Variants in MPRIP observed in about 807,000 individuals in gnomAD.
The protein encoded by MPRIP is myosin phosphatase Rho-interacting protein.
MPRIP carries 59 observed loss-of-function variants against 234.9 expected under a neutral mutation model. The ratio of observed to expected loss-of-function variants is 0.25; its 90% CI spans 0.20 to 0.31. The LOEUF (loss-of-function observed/expected upper bound fraction) is 0.31. MPRIP is among the 10% of genes least tolerant of loss of function. The pLI is 1.00. For missense variants in MPRIP, 2,436 were observed against 3,071.0 expected (o/e 0.79, Z 4.89); for synonymous variants, 1,144 against 1,263.9 (o/e 0.91, Z 2.01).
intron 1 of MPRIP, among the ~76,000 whole-genome samples, chr17:17,054,448 G>C (rs755973827): frequency 1.3e-5 from 2 of 152,092 alleles, no homozygotes; most frequent in Non-Finnish European, 2.9e-5. Flanking sequence ...CAATGTCACC[G>C]GTAGCTGGAG....
chr17:17,177,502 G>A lies in MPRIP; in HGVS notation c.7120+90G>A, dbSNP rs1567780061. On this transcript the variant is annotated intron_variant, in intron 22 of 23. Coordinates refer to ENST00000651222, the MANE Select transcript of MPRIP (RefSeq NM_001364716.4). ...GTTTCCCGGTGCTTGACTTGAAGCA[G>A]AAGAGTCCCAGTGATGCTTGTAGAC... is the stretch of plus-strand genomic sequence containing the variant. The A allele has an allele frequency of 3.6e-6, 5 of 1,405,384 alleles. No individual in the cohort carries two copies. The East Asian group carries it at 9.5e-5, about 27-fold the overall frequency. The allele number at this position is 1,405,384 out of a possible 1,614,324, so 87.1% of individuals were successfully genotyped here.
intron 1 of MPRIP, among the ~76,000 whole-genome samples, chr17:17,062,136 A>T (rs958452494): frequency 6.6e-6 from 1 of 152,140 alleles, no homozygotes; most frequent in Non-Finnish European, 1.5e-5. Flanking sequence ...GCCAGTGTAC[A>T]TTAAATACCT....
At chr17:17,087,270 G>A (rs774901236) in intron 3 of MPRIP, among the ~76,000 whole-genome samples, 4 of 152,216 alleles carry the variant, frequency 2.6e-5, no homozygotes, top group Non-Finnish European at 4.4e-5. Flanking sequence ...ATGTGGACAA[G>A]CAGCCGGGTC....
At chr17:17,176,701 A>G (rs1377397556) in intron 21 of MPRIP, among the ~76,000 whole-genome samples, 189 bp downstream of exon 21, 2 of 152,206 alleles carry the variant, frequency 1.3e-5, no homozygotes, top group Non-Finnish European at 2.9e-5. Flanking sequence ...GAACGTGGAC[A>G]TGAGCAACCT....
rs1258524422 is a variant in MPRIP, at chr17:17,164,972, T to C, written c.3381T>C (p.Asp1127=). ...AGCGCGTGGCCACGTCCGACGAGGATGTGGCTGAGCTCCGGGAAAAGCTGA... is the reference window on the plus strand; with the variant it reads ...AGCGCGTGGCCACGTCCGACGAGGACGTGGCTGAGCTCCGGGAAAAGCTGA... ...LTERVATSDE[D]VAELREKLRR... Residue 1127 remains aspartate (D), a synonymous_variant, in exon 16 of 24, where the codon GAT becomes GAC. Coordinates refer to ENST00000651222, the MANE Select transcript of MPRIP (RefSeq NM_001364716.4). 1 of 1,303,016 alleles carries C rather than the reference T, an allele frequency of 7.7e-7. No homozygotes were observed. The highest frequency in any genetic ancestry group is 1.0e-6 in the Non-Finnish European group (1 of 988,832). The allele number at this position is 1,303,016 out of a possible 1,614,324, so 80.7% of individuals were successfully genotyped here.
At chr17:17,052,375 C>A (rs963225311) in intron 1 of MPRIP, among the ~76,000 whole-genome samples, 1 of 152,190 alleles carries the variant, frequency 6.6e-6, no homozygotes, top group Admixed American at 6.5e-5. Context: ...ACTTCTAGTT[C>A]CTAGCCCTGG....
intron 5 of MPRIP, among the ~76,000 whole-genome samples, chr17:17,135,038 A>G (rs1173329668): frequency 6.6e-6 from 1 of 152,244 alleles, no homozygotes; most frequent in East Asian, 1.9e-4. Context: ...CTTGTATATC[A>G]TGCTCTTGTC....
At position 17,090,267 on chromosome 17, in the gene MPRIP, C is replaced by T. The variant is rs577884424; in HGVS notation, c.267+12191C>T. Reference sequence around the variant, plus strand: ...GTCCCAGCTGTGACCTACCTCCAACCAGCCGCACTAAGGCAGGCTTGTCCC... The same window carrying T: ...GTCCCAGCTGTGACCTACCTCCAACTAGCCGCACTAAGGCAGGCTTGTCCC... On this transcript the variant is annotated intron_variant, in intron 3 of 23. Coordinates refer to ENST00000651222, the MANE Select transcript of MPRIP (RefSeq NM_001364716.4). Among the ~76,000 whole-genome samples the T allele has an allele frequency of 6.6e-5, 10 of 152,326 alleles. No homozygotes were observed. In the East Asian group the frequency reaches 1.9e-3, roughly 29 times the overall value.
At position 17,191,388 on chromosome 17, in the gene MPRIP, CTGTTTGGA is replaced by C. The variant is rs2046583525; in HGVS notation, c.*6496_*6503del. On this transcript the variant is annotated 3_prime_UTR_variant, in exon 24 of 24. Transcript: ENST00000651222. Reference sequence around the variant, plus strand: ...GGCAGGGCTCTGTGGAGCACTGGAGCTGTTTGGATTCCCCAGCCCTTTGGTCATATCCT... The same window carrying C: ...GGCAGGGCTCTGTGGAGCACTGGAGCTTCCCCAGCCCTTTGGTCATATCCT... The C allele has an allele frequency of 6.6e-6, 1 of 152,238 alleles. No individual in the cohort carries two copies. The highest frequency in any genetic ancestry group is 1.9e-4 in the East Asian group (1 of 5,206). 9.4% of individuals were successfully genotyped at this position (152,238 alleles called of 1,614,324 possible). A position where few individuals can be genotyped will look rare whatever the true frequency, so the allele number is the denominator to read the frequency against.
chr17:17,177,925 A>AT lies in MPRIP; in HGVS notation c.7120+532dup, dbSNP rs35154903. Among the ~76,000 whole-genome samples the AT allele has an allele frequency of 5.3e-3, 674 of 127,252 alleles. 2 individuals carry two copies. Among genetic ancestry groups the AT allele is most frequent in the Middle Eastern group, 0.02 (5 of 248 alleles). The allele number at this position is 127,252 out of a possible 152,430, so 83.5% of individuals were successfully genotyped here. On this transcript the variant is annotated intron_variant, in intron 22 of 23. Transcript: ENST00000651222. ...ATCAAGCATTTTCAGCTCATACGTA[A>AT]TTTTTTTTTTTTTTTTTTTGAAACT... is the stretch of plus-strand genomic sequence containing the variant.
intron 3 of MPRIP, among the ~76,000 whole-genome samples, chr17:17,103,521 G>A (rs982490594): frequency 4.6e-5 from 7 of 152,194 alleles, no homozygotes; most frequent in African/African-American, 1.7e-4. Context: ...AAGAGCTGAA[G>A]TTCATGCCCT....
intron 23 of MPRIP, chr17:17,180,465 C>T: frequency 1.2e-6 from 1 of 805,352 alleles, no homozygotes. Flanking sequence ...GCTGCCTGCT[C>T]TTGTTCCCCA....
rs757751215 is a variant in MPRIP, at chr17:17,143,609, CCT to C, written c.1444_1445del (p.Leu482ValfsTer32). ...APLPDASASP[L>X]SPHRRAKSLD... Reference sequence around the variant, plus strand: ...CTCTCCCAGACGCCTCGGCTTCCCCCCTGTCTCCACACCGAAGAGCCAAGTCA... The same window carrying C: ...CTCTCCCAGACGCCTCGGCTTCCCCCGTCTCCACACCGAAGAGCCAAGTCA... On this transcript the variant is annotated frameshift_variant, in exon 9 of 24. Coordinates refer to ENST00000651222, the MANE Select transcript of MPRIP (RefSeq NM_001364716.4). LOFTEE classifies it high-confidence loss of function. 14 of 1,606,524 alleles carry C rather than the reference CCT, an allele frequency of 8.7e-6. No homozygotes were observed. Among genetic ancestry groups the C allele is most frequent in the African/African-American group, 1.3e-5 (1 of 74,750 alleles).
At chr17:17,147,534 T>G (rs2045500519) in intron 11 of MPRIP, 147 bp downstream of exon 11, 1 of 741,372 alleles carries the variant, frequency 1.3e-6, no homozygotes, top group African/African-American at 1.7e-5. Flanking sequence ...CGAAGGTATG[T>G]CCATGTTGCC....
intron 13 of MPRIP, among the ~76,000 whole-genome samples, chr17:17,157,811 A>G (rs1745937150): frequency 6.6e-6 from 1 of 151,724 alleles, no homozygotes; most frequent in South Asian, 2.1e-4. Context: ...CTGGGTAACA[A>G]GAGTGAAACT....
intron 9 of MPRIP, among the ~76,000 whole-genome samples, chr17:17,144,111 T>A (rs1310786743): frequency 6.6e-6 from 1 of 152,232 alleles, no homozygotes; most frequent in African/African-American, 2.4e-5. Context: ...TCCATGGGCC[T>A]CAGAGCTATG....
At chr17:17,120,899 A>G (rs143008063) in intron 3 of MPRIP, among the ~76,000 whole-genome samples, 8 of 152,226 alleles carry the variant, frequency 5.3e-5, no homozygotes, top group Non-Finnish European at 7.4e-5. Flanking sequence ...ATTCAGGCCT[A>G]CCCAGACACA....
intron 3 of MPRIP, among the ~76,000 whole-genome samples, chr17:17,082,569 A>G (rs1318986178): frequency 6.6e-6 from 1 of 152,158 alleles, no homozygotes; most frequent in African/African-American, 2.4e-5. Flanking sequence ...TGCTGGGATT[A>G]CAGGCATGAG....
intron 23 of MPRIP, chr17:17,180,460 C>T: frequency 2.6e-6 from 2 of 783,172 alleles, no homozygotes; most frequent in Admixed American, 1.8e-5. Flanking sequence ...ATGATGCTGC[C>T]TGCTCTTGTT....
Sources: gnomAD v4.1 joint callset for allele counts (sites outside exome capture counted in the v4.1 genomes callset) on GRCh38, gnomAD v4.1.1 for gene constraint, MANE v1.5 for transcripts, NCBI Gene and HGNC (gene_info 2026-07-23, HGNC 2026-07-21) for gene names.